Variants in KASH5 observed in about 807,000 individuals in gnomAD.
KASH5 encodes KASH domain containing 5, also known as protein KASH5.
Under a neutral mutation model 84.2 loss-of-function variants are expected in KASH5, and 72 were observed. The ratio of observed to expected loss-of-function variants is 0.85; its 90% CI spans 0.71 to 1.04. The LOEUF is 1.04. KASH5 is among the 50% of genes least tolerant of loss of function. KASH5 has a pLI of 0.00. For missense variants in KASH5, 650 were observed against 701.0 expected, an observed-to-expected ratio of 0.93 and a Z score of 0.82; for synonymous variants, 260 against 279.1, an observed-to-expected ratio of 0.93 and a Z score of 0.68.
At position 49,398,062 on chromosome 19, in the gene KASH5, T is replaced by A; in HGVS notation, c.548T>A (p.Leu183Ter). Reference sequence around the variant, plus strand: ...CGTCTGGTTGGGGAGAATGCCAAATTGCAGCGGAGCATGGAGACAGCTGAG... The same window carrying A: ...CGTCTGGTTGGGGAGAATGCCAAATAGCAGCGGAGCATGGAGACAGCTGAG... ...NRRLVGENAKLQRSMETAEEG... is the reference protein window; with the variant it reads ...NRRLVGENAK Residue 183 changes from leucine (L) to a stop codon, truncating the protein, a stop_gained, in exon 7 of 20, where the codon TTG becomes TAG. Transcript: ENST00000447857. LOFTEE classifies it high-confidence loss of function. 1.2e-6 allele frequency: 2 copies of A among 1,613,700 alleles called. No homozygotes were observed. Among genetic ancestry groups the A allele is most frequent in the Non-Finnish European group, 1.7e-6 (2 of 1,179,706 alleles).
At chr19:49,394,289 G>T (rs1425434527) in intron 2 of KASH5, among the ~76,000 whole-genome samples, 187 bp from the exon 3 acceptor site, 1 of 152,196 alleles carries the variant, frequency 6.6e-6, no homozygotes, top group Non-Finnish European at 1.5e-5. Flanking sequence ...ATGGGGGGAA[G>T]TAACTCAGAG....
chr19:49,398,393 G>A (rs1291436626), intron 7 of KASH5, among the ~76,000 whole-genome samples: 3 of 146,752 alleles, frequency 2.0e-5, no homozygotes, highest in African/African-American at 7.7e-5. Context: ...TTTTGAGACA[G>A]GTTCTCACTC....
intron 7 of KASH5, 149 bp from the exon 8 acceptor site, chr19:49,398,876 G>A: frequency 1.6e-6 from 1 of 620,506 alleles, no homozygotes; most frequent in South Asian, 2.1e-5. Flanking sequence ...TTTTCTCTCT[G>A]GGTCTCTGTC....
intron 5 of KASH5, among the ~76,000 whole-genome samples, chr19:49,396,243 C>A (rs10405724): frequency 2.8e-5 from 1 of 35,918 alleles, no homozygotes. Flanking sequence ...CCCTGCTGGA[C>A]TTTTTTTTTT....
chr19:49,410,772 G>A (rs1600946038), intron 15 of KASH5, among the ~76,000 whole-genome samples: 1 of 152,102 alleles, frequency 6.6e-6, no homozygotes, highest in East Asian at 1.9e-4. Flanking sequence ...ACAGGCATGA[G>A]CCACCATGCC....
intron 2 of KASH5, among the ~76,000 whole-genome samples, 157 bp from the exon 3 acceptor site, chr19:49,394,319 C>A (rs1262074605): frequency 2.6e-5 from 4 of 152,196 alleles, no homozygotes; most frequent in African/African-American, 9.7e-5. Flanking sequence ...TTGTTGCCCC[C>A]TCCTGAAGCT....
chr19:49,389,250 T>C (rs1973920665), intron 1 of KASH5, among the ~76,000 whole-genome samples: 2 of 100,140 alleles, frequency 2.0e-5, no homozygotes, highest in Non-Finnish European at 3.7e-5. Flanking sequence ...ACCCCCGAAA[T>C]CCAGCCAGAG....
rs534045319 is a variant in KASH5 at position 49,406,617 on chromosome 19, C to T, written c.799-269C>T. ...GTCTTGAACTCCTGACCTTGTGATCCGCCCGCCTCAGCCTCCCAAAGTGCT... is the reference window on the plus strand; with the variant it reads ...GTCTTGAACTCCTGACCTTGTGATCTGCCCGCCTCAGCCTCCCAAAGTGCT... On this transcript the variant is annotated intron_variant, in intron 9 of 19. Coordinates refer to ENST00000447857, the MANE Select transcript of KASH5 (RefSeq NM_144688.5). Among the ~76,000 whole-genome samples the T allele has an allele frequency of 4.6e-5, 7 of 152,242 alleles. No homozygotes were observed. In the South Asian group the frequency reaches 8.3e-4, roughly 18 times the overall value.
chr19:49,399,038 C>G lies in KASH5; in HGVS notation c.643C>G (p.Leu215Val), dbSNP rs1167378128. 6.4e-7 allele frequency: 1 copy of G among 1,551,504 alleles called. No homozygotes were observed. Among genetic ancestry groups the G allele is most frequent in the Admixed American group, 2.0e-5 (1 of 50,932 alleles). ...ACCCGCATTCAGCACCCAGCAGGCCCTGCAGTTTGCCAAGGCCATGGATGA... is the reference window on the plus strand; with the variant it reads ...ACCCGCATTCAGCACCCAGCAGGCCGTGCAGTTTGCCAAGGCCATGGATGA... ...RKQLHSTQQALQFAKAMDEEL... is the reference protein window; with the variant it reads ...RKQLHSTQQAVQFAKAMDEEL... Residue 215 changes from leucine (L) to valine (V), a missense_variant, in exon 8 of 20, where the codon CTG becomes GTG. Coordinates refer to ENST00000447857, the MANE Select transcript of KASH5 (RefSeq NM_144688.5). The surrounding 1 kb of genome is among the most constrained non-coding windows in gnomAD (Gnocchi z 4.4).
At chr19:49,393,913 T>G (rs1402877228) in intron 2 of KASH5, among the ~76,000 whole-genome samples, 1 of 152,116 alleles carries the variant, frequency 6.6e-6, no homozygotes, top group Non-Finnish European at 1.5e-5. Flanking sequence ...CCTGTCTGGT[T>G]TACCCTATCC....
intron 6 of KASH5, 99 bp from the exon 7 acceptor site, chr19:49,397,883 C>T: frequency 1.4e-6 from 2 of 1,477,578 alleles, no homozygotes; most frequent in South Asian, 2.5e-5. Flanking sequence ...TTATCTTTCC[C>T]CAAAAGAGCC....
chr19:49,415,048 G>C, intron 17 of KASH5, 52 bp downstream of exon 17: 1 of 1,546,466 alleles, frequency 6.5e-7, no homozygotes, highest in Non-Finnish European at 8.8e-7. Context: ...CACACCCACA[G>C]AGGCTGAGTC....
chr19:49,399,005 C>T lies in KASH5; in HGVS notation c.630-20C>T, dbSNP rs79611008. 11,151 of 1,540,186 alleles carry T rather than the reference C, an allele frequency of 7.2e-3. 711 individuals are homozygous for T. The African/African-American group carries it at 0.14, about 19-fold the overall frequency. ...CCTTCCTCCCTCTCGTATGGCTCAT[C>T]TGCCCCCACCCGCATTCAGCACCCA... On this transcript the variant is annotated intron_variant, in intron 7 of 19. Transcript: ENST00000447857. This position sits in a 1 kb window ranked among gnomAD's most constrained non-coding sequence, Gnocchi z 4.4.
chr19:49,411,501 A>C (rs75701295), intron 15 of KASH5, among the ~76,000 whole-genome samples: 4,906 of 152,250 alleles, frequency 0.032, 209 homozygotes, highest in African/African-American at 0.1. Flanking sequence ...ACTGAGGCTC[A>C]GGGAGAAATC....
chr19:49,400,708 C>A (rs1974337813), intron 9 of KASH5, among the ~76,000 whole-genome samples: 1 of 152,118 alleles, frequency 6.6e-6, no homozygotes, highest in Non-Finnish European at 1.5e-5. Flanking sequence ...TTTCAAAGAA[C>A]TGGAAGAAGG....
At chr19:49,394,214 C>T (rs757690715) in intron 2 of KASH5, among the ~76,000 whole-genome samples, 1 of 152,154 alleles carries the variant, frequency 6.6e-6, no homozygotes, top group Non-Finnish European at 1.5e-5. Context: ...TCAGAGCGTT[C>T]TTCTCTGGGC....
chr19:49,417,659 TCTC>T lies in KASH5; in HGVS notation c.*152_*154del, dbSNP rs1268657261. The T allele has an allele frequency of 3.0e-6, 3 of 1,014,012 alleles. No individual in the cohort carries two copies. Among genetic ancestry groups the T allele is most frequent in the East Asian group, 5.9e-5 (2 of 34,068 alleles). The allele number at this position is 1,014,012 out of a possible 1,614,324, so 62.8% of individuals were successfully genotyped here. Reference sequence around the variant, plus strand: ...CACATCCCTGTATTTTTATGTGAAGTCTCCTAGTTTTTTAATGCTGACATTTCT... The same window carrying T: ...CACATCCCTGTATTTTTATGTGAAGTCTAGTTTTTTAATGCTGACATTTCT... On this transcript the variant is annotated 3_prime_UTR_variant, in exon 20 of 20. Coordinates refer to ENST00000447857, the MANE Select transcript of KASH5 (RefSeq NM_144688.5). This position sits in a 1 kb window ranked among gnomAD's most constrained non-coding sequence, Gnocchi z 5.2.
chr19:49,409,949 C>G (rs1399402511), intron 15 of KASH5, 74 bp downstream of exon 15: 4 of 1,555,062 alleles, frequency 2.6e-6, no homozygotes, highest in Non-Finnish European at 3.5e-6. Flanking sequence ...CCTGGCCAGC[C>G]CATTCACTCA....
chr19:49,411,246 A>AC (rs1974700511), intron 15 of KASH5, among the ~76,000 whole-genome samples: 1 of 143,538 alleles, frequency 7.0e-6, no homozygotes, highest in Non-Finnish European at 1.5e-5. Flanking sequence ...CTCTCTCTCT[A>AC]TTTTTTTTTT....
Sources: allele counts gnomAD v4.1 joint callset (sites outside exome capture counted in the v4.1 genomes callset), GRCh38; gene constraint gnomAD v4.1.1; non-coding constraint Gnocchi (gnomAD v3.1); transcripts MANE v1.5; gene names NCBI Gene and HGNC (gene_info 2026-07-23, HGNC 2026-07-21).